BCAS3: variants seen among roughly 807,000 people sequenced by gnomAD.
BCAS3 encodes the protein BCAS4/BCAS3 fusion.
A neutral mutation model predicts 116.1 loss-of-function variants in BCAS3; 53 were observed. The observed-to-expected ratio is 0.46, with a 90% CI of 0.37 to 0.57. The LOEUF (loss-of-function observed/expected upper bound fraction) is 0.57. Among genes scored for constraint, BCAS3 ranks in the 20% least tolerant of loss-of-function variants. The probability of loss-of-function intolerance (pLI) is 0.00; values close to 1 mark genes in which losing one functional copy is unlikely to be tolerated. For missense variants in BCAS3, 917 were observed against 1,165.4 expected (o/e 0.79, Z 3.10); for synonymous variants, 391 against 408.2 (o/e 0.96, Z 0.51).
Position 61,343,919 on chromosome 17 carries a change from T to C in BCAS3, c.2426-24408T>C, listed in dbSNP as rs188963537. ...TCCCCTTTCGCTTCCTTCCACACAG[T>C]CCAGTGCTTTGTTAGGTACCTGCAT... is the stretch of plus-strand genomic sequence containing the variant. On this transcript the variant is annotated intron_variant, in intron 22 of 23. Transcript: ENST00000407086. The surrounding 1 kb of genome is among the most constrained non-coding windows in gnomAD (Gnocchi z 5.5). Among the ~76,000 whole-genome samples the C allele has an allele frequency of 6.6e-6, 1 of 152,264 alleles. No individual in the cohort carries two copies. The highest frequency in any genetic ancestry group is 1.5e-5 in the Non-Finnish European group (1 of 68,020).
rs1470353225 is a variant in BCAS3 at position 61,316,098 on chromosome 17, A to G, written c.2426-52229A>G. On this transcript the variant is annotated intron_variant, in intron 22 of 23. Transcript: ENST00000407086. This position sits in a 1 kb window ranked among gnomAD's most constrained non-coding sequence, Gnocchi z 5.8. ...GGCAGGTGGATCACCTGAGGTCAGG[A>G]GTTCGAAACCAGCCTGGCCAACATG... is the stretch of plus-strand genomic sequence containing the variant. Among the ~76,000 whole-genome samples the G allele has an allele frequency of 6.6e-6, 1 of 152,036 alleles. No individual in the cohort carries two copies. Among genetic ancestry groups the G allele is most frequent in the Non-Finnish European group, 1.5e-5 (1 of 68,002 alleles).
Position 61,327,158 on chromosome 17 carries a change from C to A in BCAS3, c.2426-41169C>A, listed in dbSNP as rs887080087. The stretch of plus-strand genomic sequence containing the variant: ...TCTCTACTAAAAATACAAAAATTAG[C>A]TGGGTGTGGTGGCGGGCGCCTGTAG... On this transcript the variant is annotated intron_variant, in intron 22 of 23. Coordinates refer to ENST00000407086, the MANE Select transcript of BCAS3 (RefSeq NM_017679.5). The surrounding 1 kb of genome is among the most constrained non-coding windows in gnomAD (Gnocchi z 5.9). Among the ~76,000 whole-genome samples, 2 of 151,898 alleles carry A rather than the reference C, an allele frequency of 1.3e-5. No homozygotes were observed. The highest frequency in any genetic ancestry group is 2.9e-5 in the Non-Finnish European group (2 of 67,992).
At chr17:60,832,826 G>C (rs182714658) in intron 7 of BCAS3, among the ~76,000 whole-genome samples, 3 of 152,224 alleles carry the variant, frequency 2.0e-5, no homozygotes, top group Admixed American at 2.0e-4. Flanking sequence ...TTCTCCATCT[G>C]AGACTAGAAC....
intron 13 of BCAS3, among the ~76,000 whole-genome samples, chr17:60,934,843 G>A (rs991344691): frequency 3.9e-5 from 6 of 152,082 alleles, no homozygotes; most frequent in African/African-American, 1.2e-4. Flanking sequence ...GTGCAGGAAC[G>A]GAGAAGCAAA....
At chr17:60,949,573 C>A (rs1012473911) in intron 14 of BCAS3, among the ~76,000 whole-genome samples, 3 of 152,060 alleles carry the variant, frequency 2.0e-5, no homozygotes, top group African/African-American at 4.8e-5. Flanking sequence ...ACCACCCTGG[C>A]CTATTCTTAA....
chr17:60,754,281 T>C (rs60266261), intron 6 of BCAS3, among the ~76,000 whole-genome samples: 13,499 of 151,964 alleles, frequency 0.089, 1,970 homozygotes, highest in African/African-American at 0.3. Flanking sequence ...TCATGGCTCA[T>C]TGCAGTCTTG....
intron 16 of BCAS3, among the ~76,000 whole-genome samples, chr17:61,025,145 A>G (rs1341996345): frequency 6.6e-6 from 1 of 152,086 alleles, no homozygotes; most frequent in East Asian, 1.9e-4. Flanking sequence ...CGGGCTCACT[A>G]TTCAGTTGAG....
chr17:61,220,088 GT>G lies in BCAS3; in HGVS notation c.2425+135527del, dbSNP rs1394615092. Among the ~76,000 whole-genome samples the G allele has an allele frequency of 7.9e-5, 12 of 152,142 alleles. No individual in the cohort carries two copies. The highest frequency in any genetic ancestry group is 1.6e-4 in the Non-Finnish European group (11 of 68,036). ...AGGTGGGCAGATCACACGGTCAGGA[GT>G]TTGAGACCAGCCTGGCCAATACAGT... is the stretch of plus-strand genomic sequence containing the variant. On this transcript the variant is annotated intron_variant, in intron 22 of 23. Coordinates refer to ENST00000407086, the MANE Select transcript of BCAS3 (RefSeq NM_017679.5). This position sits in a 1 kb window ranked among gnomAD's most constrained non-coding sequence, Gnocchi z 4.5.
At chr17:61,047,450 CAGTAAA>C (rs1215211999) in intron 19 of BCAS3, among the ~76,000 whole-genome samples, 1 of 151,916 alleles carries the variant, frequency 6.6e-6, no homozygotes, top group Non-Finnish European at 1.5e-5. Context: ...CTGTTTAACT[CAGTAAA>C]AGTAAAAGTC....
At chr17:61,322,830 CAGAGAGAGAGAG>C (rs1237128472) in intron 22 of BCAS3, among the ~76,000 whole-genome samples, 1 of 75,434 alleles carries the variant, frequency 1.3e-5, no homozygotes, top group African/African-American at 5.2e-5. Flanking sequence ...GAGAGAGAGA[CAGAGAGAGAGAG>C]AGAGAGAGAG....
chr17:61,272,636 C>CA (rs373837874), intron 22 of BCAS3, among the ~76,000 whole-genome samples: 3,740 of 47,336 alleles, frequency 0.079, 1,133 homozygotes, highest in East Asian at 0.27. Context: ...AACCCTGTCT[C>CA]AAAAAAAAAA....
rs938828669 is a variant in BCAS3, at chr17:61,392,600, C to T, written c.*475C>T. On this transcript the variant is annotated 3_prime_UTR_variant, in exon 24 of 24. Transcript: ENST00000407086. The surrounding 1 kb of genome is among the most constrained non-coding windows in gnomAD (Gnocchi z 6.4). ...TGCCCCCAGCTTCCCTTGGTCAGCC[C>T]CACTCCAGCACGGGGTGAACGGAGG... 5.7e-5 allele frequency: 9 copies of T among 156,810 alleles called. No individual in the cohort carries two copies. Among genetic ancestry groups the T allele is most frequent in the African/African-American group, 1.7e-4 (7 of 41,484 alleles). The allele number at this position is 156,810 out of a possible 1,614,324, so 9.7% of individuals were successfully genotyped here. A position where few individuals can be genotyped will look rare whatever the true frequency, so the allele number is the denominator to read the frequency against.
At chr17:60,744,240 T>A (rs2041844401) in intron 5 of BCAS3, among the ~76,000 whole-genome samples, 1 of 152,200 alleles carries the variant, frequency 6.6e-6, no homozygotes, top group Non-Finnish European at 1.5e-5. Flanking sequence ...ACTTACAGTT[T>A]AGTATACTTC....
intron 22 of BCAS3, among the ~76,000 whole-genome samples, chr17:61,218,992 A>G (rs1477927641): frequency 6.6e-6 from 1 of 152,218 alleles, no homozygotes; most frequent in Non-Finnish European, 1.5e-5. Context: ...TGTTTTCAAC[A>G]CAAGTAGTGT....
At chr17:61,040,754 T>C in intron 18 of BCAS3, 38 bp from the exon 19 acceptor site, 1 of 1,528,922 alleles carries the variant, frequency 6.5e-7, no homozygotes. Flanking sequence ...TCCCATCTAT[T>C]AAGCTTAAAT....
At chr17:60,805,684 C>T (rs553734461) in intron 6 of BCAS3, among the ~76,000 whole-genome samples, 6 of 151,750 alleles carry the variant, frequency 4.0e-5, no homozygotes, top group African/African-American at 9.7e-5. Flanking sequence ...AAAAATTAGC[C>T]GGACATGGTG....
At chr17:60,929,908 T>G (rs1455568191) in intron 13 of BCAS3, among the ~76,000 whole-genome samples, 2 of 152,016 alleles carry the variant, frequency 1.3e-5, no homozygotes, top group African/African-American at 2.4e-5. Context: ...CTCATCATTT[T>G]TTATGGCTGC....
intron 16 of BCAS3, among the ~76,000 whole-genome samples, chr17:61,033,808 C>T (rs1310059207): frequency 1.3e-5 from 2 of 152,014 alleles, no homozygotes; most frequent in Admixed American, 6.6e-5. Context: ...AACAGAAATA[C>T]GGGATTGAAA....
intron 22 of BCAS3, among the ~76,000 whole-genome samples, chr17:61,319,902 T>A (rs57517579): frequency 0.03 from 4,524 of 150,682 alleles, 121 homozygotes; most frequent in African/African-American, 0.063. Flanking sequence ...TTTTATTTTT[T>A]TTTTTTGAGA....
Sources: gnomAD v4.1 joint callset for allele counts (sites outside exome capture counted in the v4.1 genomes callset) on GRCh38, gnomAD v4.1.1 for gene constraint, Gnocchi (gnomAD v3.1) non-coding constraint, MANE v1.5 for transcripts, NCBI Gene and HGNC (gene_info 2026-07-23, HGNC 2026-07-21) for gene names.